The following KCNIP4 variants were observed in gnomAD, a reference collection of about 807,000 sequenced individuals.
The protein encoded by KCNIP4 is Kv channel-interacting protein 4.
In KCNIP4, 12 loss-of-function variants were observed where a neutral mutation model predicts 34.0. That is an observed-to-expected ratio of 0.35 (90% CI 0.23 to 0.57). KCNIP4 has a LOEUF of 0.57. Ranked by LOEUF, KCNIP4 falls within the 20% of genes least tolerant of loss-of-function variation. KCNIP4 has a pLI of 0.83. For missense variants in KCNIP4, 238 were observed against 311.7 expected (o/e 0.76, Z 1.78); for synonymous variants, 124 against 102.2 (o/e 1.21, Z -1.29).
At chr4:21,236,962 T>A (rs1461427773) in intron 1 of KCNIP4, among the ~76,000 whole-genome samples, 1 of 150,246 alleles carries the variant, frequency 6.7e-6, no homozygotes, top group South Asian at 2.1e-4. Flanking sequence ...GCCGAGATCG[T>A]GCCACTGCAC....
At chr4:21,721,989 A>G (rs572763987) in intron 1 of KCNIP4, among the ~76,000 whole-genome samples, 2 of 152,190 alleles carry the variant, frequency 1.3e-5, no homozygotes, top group Non-Finnish European at 2.9e-5. Flanking sequence ...ATGTGTATAC[A>G]TCACTGATGC....
At chr4:21,414,841 T>A (rs1332528354) in intron 1 of KCNIP4, among the ~76,000 whole-genome samples, 2 of 152,184 alleles carry the variant, frequency 1.3e-5, no homozygotes, top group Non-Finnish European at 2.9e-5. Context: ...ACATGGTGTA[T>A]ATATTTATGG....
At chr4:21,097,717 C>T (rs915850794) in intron 1 of KCNIP4, among the ~76,000 whole-genome samples, 1 of 151,958 alleles carries the variant, frequency 6.6e-6, no homozygotes, top group Non-Finnish European at 1.5e-5. Flanking sequence ...CATCTCTCTC[C>T]CTCTCCCCCA....
At chr4:21,226,581 C>A (rs1259938998) in intron 1 of KCNIP4, among the ~76,000 whole-genome samples, 1 of 145,542 alleles carries the variant, frequency 6.9e-6, no homozygotes, top group Non-Finnish European at 1.5e-5. Context: ...TTCCTATTTG[C>A]TACTAGTTTT....
chr4:21,704,459 A>G (rs1326003376), intron 1 of KCNIP4, among the ~76,000 whole-genome samples: 2 of 152,168 alleles, frequency 1.3e-5, no homozygotes, highest in Non-Finnish European at 1.5e-5. Context: ...CAAACCACTT[A>G]TCTGACAAAG....
intron 1 of KCNIP4, among the ~76,000 whole-genome samples, chr4:21,177,396 C>G (rs997815380): frequency 2.0e-5 from 3 of 152,110 alleles, no homozygotes; most frequent in African/African-American, 7.2e-5. Flanking sequence ...TTCACAGAAG[C>G]AGGAAAGATT....
intron 1 of KCNIP4, among the ~76,000 whole-genome samples, chr4:21,682,833 C>T (rs1033487168): frequency 2.6e-5 from 4 of 152,188 alleles, no homozygotes; most frequent in Non-Finnish European, 2.9e-5. Context: ...TTATTGATTA[C>T]GTTCACTGTC....
chr4:21,723,556 A>AG (rs1378318446), intron 1 of KCNIP4, among the ~76,000 whole-genome samples: 2 of 152,110 alleles, frequency 1.3e-5, no homozygotes, highest in Non-Finnish European at 2.9e-5. Flanking sequence ...AGGAAAACAT[A>AG]GGAGACAAGG....
intron 5 of KCNIP4, among the ~76,000 whole-genome samples, chr4:20,736,198 G>A (rs1019987382): frequency 6.6e-6 from 1 of 152,242 alleles, no homozygotes; most frequent in East Asian, 1.9e-4. Flanking sequence ...GCATACACAA[G>A]TATAAGATAT....
At chr4:20,857,265 G>A (rs367684411) in intron 2 of KCNIP4, among the ~76,000 whole-genome samples, 2 of 152,180 alleles carry the variant, frequency 1.3e-5, no homozygotes, top group East Asian at 3.9e-4. Context: ...TCTGATTCTT[G>A]GAGGCAAACT....
intron 1 of KCNIP4, among the ~76,000 whole-genome samples, chr4:21,244,329 C>T (rs1760052716): frequency 6.6e-6 from 1 of 152,124 alleles, no homozygotes; most frequent in African/African-American, 2.4e-5. Flanking sequence ...CCATGAAAAC[C>T]AGGCTATAGA....
intron 1 of KCNIP4, among the ~76,000 whole-genome samples, chr4:21,106,976 T>G (rs1232745410): frequency 6.6e-6 from 1 of 150,442 alleles, no homozygotes; most frequent in Non-Finnish European, 1.5e-5. Flanking sequence ...TTTGTTATAA[T>G]TTCTGTTCTT....
rs772689134 is a variant in KCNIP4 at position 21,025,543 on chromosome 4, GTTTTTTTTTTTT to G, written c.62-142846_62-142835del. On this transcript the variant is annotated intron_variant, in intron 1 of 8. Coordinates refer to ENST00000382152, the MANE Select transcript of KCNIP4 (RefSeq NM_025221.6). ...TGCAAAAAGGTCACTCATTGATACT[GTTTTTTTTTTTT>G]TTTTTTTTTTTTTTTTGAGACGGAG... 3.2e-4 allele frequency among the ~76,000 whole-genome samples: 11 copies of G among 34,786 alleles called. No homozygotes were observed. The East Asian group carries it at 0.014, about 43-fold the overall frequency. The allele number at this position is 34,786 out of a possible 152,430, so 22.8% of individuals were successfully genotyped here.
At chr4:21,865,776 C>T (rs187457063) in intron 1 of KCNIP4, among the ~76,000 whole-genome samples, 3 of 151,994 alleles carry the variant, frequency 2.0e-5, no homozygotes, top group Admixed American at 2.0e-4. Context: ...CTTCTGACCT[C>T]AGGTGATCTA....
intron 1 of KCNIP4, among the ~76,000 whole-genome samples, chr4:20,978,659 T>C (rs1735719936): frequency 6.6e-6 from 1 of 152,204 alleles, no homozygotes; most frequent in Non-Finnish European, 1.5e-5. Flanking sequence ...AAGCCAGGAT[T>C]AGAGGTCACC....
intron 1 of KCNIP4, chr4:20,983,976 G>A: frequency 6.5e-7 from 1 of 1,529,904 alleles, no homozygotes; most frequent in Non-Finnish European, 8.7e-7. Flanking sequence ...GGAGTGGAGG[G>A]AGTTAATTAC....
chr4:21,428,535 C>G (rs1726130381), intron 1 of KCNIP4, among the ~76,000 whole-genome samples: 1 of 152,118 alleles, frequency 6.6e-6, no homozygotes, highest in Admixed American at 6.5e-5. Context: ...GGGATGATGC[C>G]CACAATGACA....
chr4:21,445,349 C>T (rs1333513869), intron 1 of KCNIP4, among the ~76,000 whole-genome samples: 3 of 152,198 alleles, frequency 2.0e-5, no homozygotes, highest in Non-Finnish European at 4.4e-5. Context: ...AAGCTGGAGG[C>T]ATCACGCTAC....
intron 1 of KCNIP4, among the ~76,000 whole-genome samples, chr4:21,800,540 A>G (rs1042195499): frequency 3.3e-5 from 5 of 152,164 alleles, no homozygotes; most frequent in African/African-American, 9.7e-5. Context: ...CTTTCAAATA[A>G]CATAGAAGTT....
Sources: gnomAD v4.1 joint callset for allele counts (sites outside exome capture counted in the v4.1 genomes callset) on GRCh38, gnomAD v4.1.1 for gene constraint, MANE v1.5 for transcripts, NCBI Gene and HGNC (gene_info 2026-07-23, HGNC 2026-07-21) for gene names.